The following SSH2 variants were observed in gnomAD, a reference collection of about 807,000 sequenced individuals.
SSH2 encodes protein phosphatase Slingshot homolog 2.
In SSH2, 37 loss-of-function variants were observed where a neutral mutation model predicts 135.2. The ratio of observed to expected loss-of-function variants is 0.27; its 90% CI spans 0.21 to 0.36. The LOEUF (loss-of-function observed/expected upper bound fraction) is 0.36. Among genes scored for constraint, SSH2 ranks in the 10% least tolerant of loss-of-function variants. The pLI is 1.00. For missense variants in SSH2, 1,408 were observed against 1,765.3 expected (o/e 0.80, Z 3.63); for synonymous variants, 628 against 646.2 (o/e 0.97, Z 0.43).
intron 1 of SSH2, among the ~76,000 whole-genome samples, chr17:29,895,755 T>A (rs1257516693): frequency 1.9e-4 from 22 of 118,210 alleles, no homozygotes; most frequent in African/African-American, 7.2e-4. Flanking sequence ...AAATGTATTT[T>A]ATATACACAT....
At chr17:29,835,585 A>G (rs973936897) in intron 2 of SSH2, among the ~76,000 whole-genome samples, 8 of 152,282 alleles carry the variant, frequency 5.3e-5, no homozygotes, top group Non-Finnish European at 1.2e-4. Flanking sequence ...CCAGGAAGTA[A>G]GATGTTGATC....
At chr17:29,746,545 C>T (rs1302775782) in intron 3 of SSH2, among the ~76,000 whole-genome samples, 3 of 41,098 alleles carry the variant, frequency 7.3e-5, no homozygotes, top group Non-Finnish European at 1.2e-4. Flanking sequence ...GAGACTCTGT[C>T]TCAAAAAAAA....
In SSH2 at chr17:29,832,326, C is replaced by T. The variant is rs9893279; in HGVS notation, c.144+16523G>A. On this transcript the variant is annotated intron_variant, in intron 2 of 15. Coordinates refer to ENST00000540801, the MANE Select transcript of SSH2 (RefSeq NM_001282129.2). ...TTTAAATTTCTGGTAGAGATGGAGT[C>T]TCCCTATGCTGCTTAGGCTGATCTT... 8.0e-3 allele frequency among the ~76,000 whole-genome samples: 1,222 copies of T among 152,184 alleles called. 12 individuals carry two copies. Among genetic ancestry groups the T allele is most frequent in the African/African-American group, 0.028 (1,161 of 41,512 alleles).
At chr17:29,758,680 A>C (rs1485616568) in intron 3 of SSH2, among the ~76,000 whole-genome samples, 4 of 152,182 alleles carry the variant, frequency 2.6e-5, no homozygotes, top group Non-Finnish European at 5.9e-5. Context: ...GACTTGATTG[A>C]CCAGAAAACA....
chr17:29,896,707 T>C (rs1017309073), intron 1 of SSH2, among the ~76,000 whole-genome samples: 1 of 151,670 alleles, frequency 6.6e-6, no homozygotes, highest in African/African-American at 2.4e-5. Context: ...TTTCTATGTA[T>C]CATATGTAAA....
chr17:29,787,731 AT>A (rs61703855), intron 3 of SSH2: 1,153 of 138,890 alleles, frequency 8.3e-3, no homozygotes, highest in African/African-American at 0.011. Flanking sequence ...AGTGATTTTG[AT>A]TTTTTTTTTT....
intron 2 of SSH2, among the ~76,000 whole-genome samples, chr17:29,845,971 T>C (rs1318606618): frequency 6.6e-6 from 1 of 152,138 alleles, no homozygotes. Context: ...ACTAGTCTCT[T>C]TGAGACAAAA....
rs1413969005 is a variant in SSH2, at chr17:29,797,164, AT to A, written c.145-3228del. Among the ~76,000 whole-genome samples, 33 of 152,018 alleles carry A rather than the reference AT, an allele frequency of 2.2e-4. 1 individual carries two copies. In the South Asian group the frequency reaches 6.9e-3, roughly 32 times the overall value. On this transcript the variant is annotated intron_variant, in intron 2 of 15. Coordinates refer to ENST00000540801, the MANE Select transcript of SSH2 (RefSeq NM_001282129.2). Reference sequence around the variant, plus strand: ...AGGTAAAATTTATATACAATGAAATATACAAATCTTAAGTGCGCCATTTAAT... The same window carrying A: ...AGGTAAAATTTATATACAATGAAATAACAAATCTTAAGTGCGCCATTTAAT...
intron 14 of SSH2, among the ~76,000 whole-genome samples, chr17:29,640,292 G>A (rs1370467960): frequency 1.3e-5 from 2 of 152,110 alleles, no homozygotes; most frequent in Admixed American, 6.5e-5. Flanking sequence ...TAGCCAGGAT[G>A]GTCTCCATCT....
chr17:29,909,072 G>T (rs532537151), intron 1 of SSH2, among the ~76,000 whole-genome samples: 3 of 151,592 alleles, frequency 2.0e-5, no homozygotes, highest in Non-Finnish European at 2.9e-5. Flanking sequence ...GCAAGACTCC[G>T]TCTCAAAGGA....
intron 1 of SSH2, among the ~76,000 whole-genome samples, chr17:29,858,248 A>T (rs1372174009): frequency 6.6e-6 from 1 of 152,220 alleles, no homozygotes; most frequent in Admixed American, 6.5e-5. Flanking sequence ...TCATTTTCTA[A>T]TATGCTATAA....
chr17:29,632,215 T>C lies in SSH2; in HGVS notation c.2979A>G (p.Pro993=). 6.2e-7 allele frequency: 1 copy of C among 1,613,944 alleles called. No homozygotes were observed. The highest frequency in any genetic ancestry group is 1.1e-5 in the South Asian group (1 of 91,076). ...APRVLEFDHL[P]DPQEGPGSDT... is the part of the protein sequence containing the mutation. ...CTGACCCTGGGCCCTCCTGAGGATCTGGCAAGTGGTCAAACTCCAGCACCC... is the reference window on the plus strand; with the variant it reads ...CTGACCCTGGGCCCTCCTGAGGATCCGGCAAGTGGTCAAACTCCAGCACCC... Residue 993 remains proline, a synonymous_variant, in exon 16 of 16, where the codon CCA becomes CCG. Coordinates refer to ENST00000540801, the MANE Select transcript of SSH2 (RefSeq NM_001282129.2).
intron 11 of SSH2, among the ~76,000 whole-genome samples, chr17:29,664,351 C>T (rs1276487560): frequency 3.6e-5 from 5 of 140,844 alleles, no homozygotes; most frequent in Non-Finnish European, 6.0e-5. Flanking sequence ...CCAGCCTGGG[C>T]GACAGAGCGA....
intron 3 of SSH2, among the ~76,000 whole-genome samples, chr17:29,712,255 TC>T (rs948480172): frequency 5.3e-5 from 8 of 152,182 alleles, no homozygotes; most frequent in Non-Finnish European, 8.8e-5. Flanking sequence ...CTGTCCTTTG[TC>T]CACAAGGAAA....
chr17:29,650,704 C>T lies in SSH2; in HGVS notation c.1176G>A (p.Thr392=), dbSNP rs770458445. The part of the protein sequence containing the change: ...HNIRVYDEEA[T]DLLAYWNDTY... ...TGTCATTCCAGTACGCCAGGAGATC[C>T]GTTGCCTCTTCATCATATACCCGAA... The change falls in exon 13 of 16, where the codon ACG becomes ACA. Residue 392 remains threonine, a synonymous_variant. Transcript: ENST00000540801. 13 of 1,613,810 alleles carry T rather than the reference C, an allele frequency of 8.1e-6. No homozygotes were observed. The highest frequency in any genetic ancestry group is 4.0e-5 in the African/African-American group (3 of 74,872).
At position 29,768,323 on chromosome 17, in the gene SSH2, C is replaced by T. The variant is rs539142006; in HGVS notation, c.188+25571G>A. 1.3e-3 allele frequency among the ~76,000 whole-genome samples: 183 copies of T among 141,772 alleles called. 1 individual carries two copies. The highest frequency in any genetic ancestry group is 2.3e-3 in the Non-Finnish European group (152 of 66,344). The allele number at this position is 141,772 out of a possible 152,430, so 93.0% of individuals were successfully genotyped here. On this transcript the variant is annotated intron_variant, in intron 3 of 15. Coordinates refer to ENST00000540801, the MANE Select transcript of SSH2 (RefSeq NM_001282129.2). The stretch of plus-strand genomic sequence containing the variant: ...TTTTTTTTTTTTTGAGACAGGGTCT[C>T]GCTCTGTCATCCAGACTGGAGTGCA...
chr17:29,883,822 T>G (rs572219434), intron 1 of SSH2, among the ~76,000 whole-genome samples: 9 of 152,328 alleles, frequency 5.9e-5, no homozygotes, highest in African/African-American at 2.2e-4. Flanking sequence ...CTTTGGTTCA[T>G]TTCCTTTAGC....
rs139009353 is a variant in SSH2, at chr17:29,769,889, A to G, written c.188+24005T>C. Among the ~76,000 whole-genome samples, 571 of 152,192 alleles carry G rather than the reference A, an allele frequency of 3.8e-3. 3 individuals are homozygous for G. The highest frequency in any genetic ancestry group is 0.013 in the African/African-American group (547 of 41,516). The stretch of plus-strand genomic sequence containing the variant: ...AATGAGTTAAATAACTTTTACACTA[A>G]TTCCCTACTCAAACTCCCCAAATAC... On this transcript the variant is annotated intron_variant, in intron 3 of 15. Transcript: ENST00000540801.
At chr17:29,640,084 G>GTTT (rs112288574) in intron 14 of SSH2, among the ~76,000 whole-genome samples, 5 of 140,400 alleles carry the variant, frequency 3.6e-5, no homozygotes, top group African/African-American at 1.3e-4. Flanking sequence ...TTTTTTTTTT[G>GTTT]TTTTTTTTTT....
Sources: allele counts gnomAD v4.1 joint callset (sites outside exome capture counted in the v4.1 genomes callset), GRCh38; gene constraint gnomAD v4.1.1; transcripts MANE v1.5; gene names NCBI Gene and HGNC (gene_info 2026-07-23, HGNC 2026-07-21).